The following BCAR3 variants were observed in gnomAD, a reference collection of about 807,000 sequenced individuals.
BCAR3 encodes breast cancer anti-estrogen resistance protein 3.
A neutral mutation model predicts 80.1 loss-of-function variants in BCAR3; 37 were observed. The ratio of observed to expected loss-of-function variants is 0.46; its 90% CI spans 0.36 to 0.61. The LOEUF (loss-of-function observed/expected upper bound fraction) is 0.61. BCAR3 is among the 20% of genes least tolerant of loss of function. BCAR3 has a pLI of 0.00. For synonymous variants in BCAR3, 389 were observed against 418.9 expected (o/e 0.93, Z 0.87); for missense variants, 978 against 1,068.2 (o/e 0.92, Z 1.18).
At chr1:93,685,910 C>CT (rs1046347006), upstream of BCAR3, among the ~76,000 whole-genome samples, 2 of 151,974 alleles carry the variant, frequency 1.3e-5, no homozygotes, top group Non-Finnish European at 2.9e-5. Flanking sequence ...GTTTAGTAGA[C>CT]TTTTTTTTCT....
intron 2 of BCAR3, chr1:93,754,353 A>C (rs1258644448): frequency 6.6e-6 from 1 of 152,258 alleles, no homozygotes; most frequent in Non-Finnish European, 1.5e-5. Flanking sequence ...TTCCCTGAAC[A>C]CAAAGGGCAA....
At chr1:93,810,489 C>G (rs765710866) in intron 2 of BCAR3, among the ~76,000 whole-genome samples, 20 of 152,168 alleles carry the variant, frequency 1.3e-4, no homozygotes, top group Non-Finnish European at 2.5e-4. Context: ...CACATCAGCA[C>G]ACTCTGATGC....
intron 2 of BCAR3, among the ~76,000 whole-genome samples, chr1:93,669,534 C>T (rs990831091): frequency 2.0e-5 from 3 of 152,182 alleles, no homozygotes; most frequent in Non-Finnish European, 2.9e-5. Flanking sequence ...TAATGAAACA[C>T]CACATTGTCC....
chr1:93,732,238 G>A (rs576820775), intron 2 of BCAR3, among the ~76,000 whole-genome samples: 2 of 152,308 alleles, frequency 1.3e-5, no homozygotes, highest in African/African-American at 4.8e-5. Flanking sequence ...AGTGCCAGAA[G>A]ATGCTTTGTA....
intron 3 of BCAR3, among the ~76,000 whole-genome samples, chr1:93,705,740 T>G (rs1649809168): frequency 6.6e-6 from 1 of 152,224 alleles, no homozygotes; most frequent in Admixed American, 6.5e-5. Context: ...TAACCATCAT[T>G]CTACCTCATA....
chr1:93,590,613 A>G (rs35809519), intron 4 of BCAR3, among the ~76,000 whole-genome samples: 2 of 152,214 alleles, frequency 1.3e-5, no homozygotes, highest in African/African-American at 4.8e-5. Context: ...ATTTTTCTGG[A>G]ACATTCCAAC....
At chr1:93,757,918 C>G (rs760412576) in intron 2 of BCAR3, among the ~76,000 whole-genome samples, 5 of 152,192 alleles carry the variant, frequency 3.3e-5, no homozygotes, top group Non-Finnish European at 7.3e-5. Context: ...AAAGGAGGCT[C>G]GGACACAAGG....
intron 3 of BCAR3, among the ~76,000 whole-genome samples, chr1:93,621,862 GTTTTGT>G (rs367621093): frequency 0.011 from 1,701 of 152,018 alleles, 41 homozygotes; most frequent in Admixed American, 0.061. Context: ...AGCCACATTG[GTTTTGT>G]TTTTGTTTTT....
intron 2 of BCAR3, among the ~76,000 whole-genome samples, chr1:93,647,619 ACT>A (rs140442585): frequency 0.013 from 1,963 of 152,172 alleles, 41 homozygotes; most frequent in African/African-American, 0.044. Context: ...ATAGAAGGAC[ACT>A]CTGCTTCCAA....
At chr1:93,696,970 T>A (rs1266042941) in intron 3 of BCAR3, among the ~76,000 whole-genome samples, 3 of 152,192 alleles carry the variant, frequency 2.0e-5, no homozygotes, top group Non-Finnish European at 4.4e-5. Context: ...CCAGCCCTGA[T>A]TGATACTCAG....
chr1:93,738,187 A>G (rs375830521), intron 2 of BCAR3, among the ~76,000 whole-genome samples: 1 of 152,132 alleles, frequency 6.6e-6, no homozygotes, highest in African/African-American at 2.4e-5. Flanking sequence ...AAATCTACCA[A>G]TAGTAAGGTG....
intron 11 of BCAR3, among the ~76,000 whole-genome samples, chr1:93,563,973 CATT>C (rs1338844391): frequency 6.6e-5 from 10 of 152,150 alleles, no homozygotes; most frequent in African/African-American, 2.4e-4. Flanking sequence ...GGATTACAGA[CATT>C]AGCCACCGTG....
chr1:93,773,384 T>C (rs1463788919), intron 2 of BCAR3, among the ~76,000 whole-genome samples: 1 of 152,174 alleles, frequency 6.6e-6, no homozygotes, highest in Non-Finnish European at 1.5e-5. Flanking sequence ...GCTGAACTAG[T>C]TCAGAACATA....
chr1:93,763,486 GGA>G (rs1181444881), intron 2 of BCAR3, among the ~76,000 whole-genome samples: 1 of 152,164 alleles, frequency 6.6e-6, no homozygotes, highest in African/African-American at 2.4e-5. Flanking sequence ...ATTTCATAAA[GGA>G]GAACACTGAG....
intron 2 of BCAR3, among the ~76,000 whole-genome samples, chr1:93,796,579 C>T (rs940408094): frequency 3.3e-5 from 5 of 151,750 alleles, no homozygotes; most frequent in South Asian, 2.1e-4. Context: ...GAGATGAACC[C>T]GGTACCTCAG....
At chr1:93,603,731 T>C (rs236339) in intron 3 of BCAR3, among the ~76,000 whole-genome samples, 4,259 of 152,292 alleles carry the variant, frequency 0.028, 199 homozygotes, top group African/African-American at 0.096. Flanking sequence ...ACTGCATGCC[T>C]GCCGTGCTAC....
chr1:93,681,875 T>G (rs1317620320), upstream of BCAR3: 2 of 152,168 alleles, frequency 1.3e-5, no homozygotes, highest in African/African-American at 4.8e-5. Flanking sequence ...AACTGGTGAT[T>G]TGCGGCTCCG....
At position 93,562,321 on chromosome 1, in the gene BCAR3, T is replaced by C. The variant is rs1419388121; in HGVS notation, c.2398A>G (p.Arg800Gly). The C allele has an allele frequency of 6.2e-7, 1 of 1,614,076 alleles. No individual in the cohort carries two copies. Among genetic ancestry groups the C allele is most frequent in the Non-Finnish European group, 8.5e-7 (1 of 1,180,004 alleles). The change falls in exon 12 of 12, where the codon AGA becomes GGA. Residue 800 changes from arginine to glycine, a missense_variant. By Grantham distance (125) the Arg-to-Gly change is moderately radical. Transcript: ENST00000260502. The part of the protein sequence containing the change: ...SKGAQVNQTE[R>G]YEKFNQILTA... ...AAAATCTGGTTGAATTTCTCATATC[T>C]CTCTGTCTGATTGACTTGTGCACCT... is the stretch of plus-strand genomic sequence containing the variant.
rs1258778418 is a variant in BCAR3 at position 93,825,687 on chromosome 1, G to A, written c.-63+19880C>T. On this transcript the variant is annotated intron_variant, in intron 2 of 13. Coordinates refer to the BCAR3 transcript ENST00000370244. Reference sequence around the variant, plus strand: ...ACCTCTGGAGTCAGCACCCACTGGTGGGGCACTTGCCGACCAGCCCCCAGG... The same window carrying A: ...ACCTCTGGAGTCAGCACCCACTGGTAGGGCACTTGCCGACCAGCCCCCAGG... 3.7e-4 allele frequency among the ~76,000 whole-genome samples: 29 copies of A among 79,304 alleles called. 2 individuals carry two copies. The highest frequency in any genetic ancestry group is 9.2e-4 in the African/African-American group (29 of 31,486). 52.0% of individuals were successfully genotyped at this position (79,304 alleles called of 152,430 possible). A position where few individuals can be genotyped will look rare whatever the true frequency, so the allele number is the denominator to read the frequency against.
Sources: gnomAD v4.1 joint callset for allele counts (sites outside exome capture counted in the v4.1 genomes callset) on GRCh38, gnomAD v4.1.1 for gene constraint, MANE v1.5 for transcripts, NCBI Gene and HGNC (gene_info 2026-07-23, HGNC 2026-07-21) for gene names.